The following FAM135B variants were observed in gnomAD, a reference collection of about 807,000 sequenced individuals.
FAM135B encodes the protein protein FAM135B.
Under a neutral mutation model 127.7 loss-of-function variants are expected in FAM135B, and 43 were observed. That is an observed-to-expected ratio of 0.34 (90% confidence interval 0.26 to 0.43). The LOEUF is 0.43. Ranked by LOEUF, FAM135B falls within the 20% of genes least tolerant of loss-of-function variation. The pLI, the probability that FAM135B is intolerant of heterozygous loss-of-function variation, is 1.00. For synonymous variants in FAM135B, 670 were observed against 665.1 expected (o/e 1.01, Z -0.11); for missense variants, 1,558 against 1,725.6 (o/e 0.90, Z 1.72).
intron 11 of FAM135B, among the ~76,000 whole-genome samples, chr8:138,176,637 G>A (rs763043685): frequency 2.1e-4 from 32 of 152,146 alleles, no homozygotes; most frequent in Non-Finnish European, 3.5e-4. Flanking sequence ...AAGTCTCCAC[G>A]TCCATCTTGA....
chr8:138,252,354 G>C (rs1821758961), intron 5 of FAM135B, among the ~76,000 whole-genome samples: 1 of 152,144 alleles, frequency 6.6e-6, no homozygotes, highest in South Asian at 2.1e-4. Flanking sequence ...CTTGGACCAG[G>C]TCTTCCTGAT....
At chr8:138,316,310 T>TCCTGGCTAAAGC (rs1382600064) in intron 2 of FAM135B, among the ~76,000 whole-genome samples, 4 of 151,752 alleles carry the variant, frequency 2.6e-5, no homozygotes, top group Non-Finnish European at 5.9e-5. Context: ...ATCGAGACCA[T>TCCTGGCTAAAGC]GGTGAAACCC....
chr8:138,497,271 C>A (rs1815435501), upstream of FAM135B, among the ~76,000 whole-genome samples: 1 of 150,330 alleles, frequency 6.7e-6, no homozygotes, highest in Admixed American at 6.6e-5. Context: ...TGGCTGGCGG[C>A]GCGGCTCACG....
rs1816206231 is a variant in FAM135B, at chr8:138,131,375, T to C, written c.*1218A>G. 6.6e-6 allele frequency: 1 copy of C among 152,472 alleles called. No individual in the cohort carries two copies. Among genetic ancestry groups the C allele is most frequent in the Non-Finnish European group, 1.5e-5 (1 of 68,048 alleles). 9.4% of individuals were successfully genotyped at this position (152,472 alleles called of 1,614,324 possible). A position where few individuals can be genotyped will look rare whatever the true frequency, so the allele number is the denominator to read the frequency against. On this transcript the variant is annotated 3_prime_UTR_variant, in exon 20 of 20. Coordinates refer to ENST00000395297, the MANE Select transcript of FAM135B (RefSeq NM_015912.4). ...ATACTCAGTCTTTGAGACCTGACTATTAAACATCCTGGTAATTTTCAAAAC... is the reference window on the plus strand; with the variant it reads ...ATACTCAGTCTTTGAGACCTGACTACTAAACATCCTGGTAATTTTCAAAAC...
intron 7 of FAM135B, among the ~76,000 whole-genome samples, chr8:138,228,233 T>A (rs567665411): frequency 1.1e-4 from 17 of 151,108 alleles, no homozygotes; most frequent in Admixed American, 8.0e-4. Flanking sequence ...GAGGTAGACA[T>A]CAGAATCATG....
chr8:138,428,403 T>C (rs1461409103), intron 1 of FAM135B, among the ~76,000 whole-genome samples: 4 of 152,122 alleles, frequency 2.6e-5, no homozygotes, highest in Non-Finnish European at 5.9e-5. Context: ...GACATCAAGC[T>C]GTCTCTGCTT....
chr8:138,330,368 A>C (rs1828083520), intron 2 of FAM135B, among the ~76,000 whole-genome samples: 1 of 152,138 alleles, frequency 6.6e-6, no homozygotes, highest in African/African-American at 2.4e-5. Flanking sequence ...TTCTGCAAGA[A>C]CAGAGCCTAG....
At chr8:138,268,042 C>T (rs73439025) in intron 3 of FAM135B, among the ~76,000 whole-genome samples, 1,948 of 152,222 alleles carry the variant, frequency 0.013, 41 homozygotes, top group East Asian at 0.09. Context: ...AGCCCTGAGC[C>T]GTCTGCCACC....
intron 1 of FAM135B, among the ~76,000 whole-genome samples, chr8:138,473,345 T>C (rs1814176272): frequency 6.6e-6 from 1 of 152,136 alleles, no homozygotes; most frequent in African/African-American, 2.4e-5. Context: ...CAAGAGTCCG[T>C]GGTGCCTACA....
At chr8:138,256,784 G>T in intron 4 of FAM135B, 25 bp from the exon 5 acceptor site, 4 of 1,589,152 alleles carry the variant, frequency 2.5e-6, no homozygotes, top group Non-Finnish European at 3.5e-6. Context: ...AAGTCCAAGG[G>T]ATTTCAGGAG....
chr8:138,460,568 T>C (rs1252718009), intron 1 of FAM135B, among the ~76,000 whole-genome samples: 1 of 152,218 alleles, frequency 6.6e-6, no homozygotes, highest in Non-Finnish European at 1.5e-5. Context: ...AGTATACATT[T>C]GTGCCTGCTT....
At chr8:138,353,547 T>C (rs1275274759) in intron 2 of FAM135B, among the ~76,000 whole-genome samples, 1 of 152,212 alleles carries the variant, frequency 6.6e-6, no homozygotes, top group Non-Finnish European at 1.5e-5. Context: ...TTCAAATATA[T>C]ATAAATTGTG....
At chr8:138,357,273 T>C (rs1409680733) in intron 2 of FAM135B, among the ~76,000 whole-genome samples, 4 of 152,072 alleles carry the variant, frequency 2.6e-5, no homozygotes, top group African/African-American at 7.2e-5. Context: ...ACTAAAACTA[T>C]AAAACAAGTG....
chr8:138,146,097 T>C (rs1438567622), intron 14 of FAM135B, 47 bp from the exon 15 acceptor site: 2 of 959,234 alleles, frequency 2.1e-6, no homozygotes, highest in South Asian at 2.9e-5. Flanking sequence ...GTTAGTCATA[T>C]AAAAGGTTGA....
chr8:138,358,396 C>G (rs117735427), intron 2 of FAM135B: 1 of 152,278 alleles, frequency 6.6e-6, no homozygotes, highest in Non-Finnish European at 1.5e-5. Flanking sequence ...ACAGTCTGTT[C>G]TAGCCCTGGC....
chr8:138,337,416 G>T (rs1291903489), intron 2 of FAM135B, among the ~76,000 whole-genome samples: 3 of 151,976 alleles, frequency 2.0e-5, no homozygotes, highest in Non-Finnish European at 4.4e-5. Flanking sequence ...AAAGTCTCAG[G>T]ATACAAAATC....
intron 7 of FAM135B, among the ~76,000 whole-genome samples, chr8:138,198,433 G>T (rs7845372): frequency 0.12 from 18,404 of 152,232 alleles, 1,134 homozygotes; most frequent in Middle Eastern, 0.14. Context: ...TAGAGGCCAT[G>T]GGACAGGTGG....
At chr8:138,208,826 A>G (rs1245360712) in intron 7 of FAM135B, among the ~76,000 whole-genome samples, 1 of 152,236 alleles carries the variant, frequency 6.6e-6, no homozygotes, top group Non-Finnish European at 1.5e-5. Flanking sequence ...GTAAACTAGT[A>G]AATTAGTCAA....
At chr8:138,277,236 C>T (rs1308658689) in intron 3 of FAM135B, among the ~76,000 whole-genome samples, 1 of 152,178 alleles carries the variant, frequency 6.6e-6, no homozygotes, top group Non-Finnish European at 1.5e-5. Flanking sequence ...TTCCCTTATT[C>T]AGCTCCTCTC....
Sources: gnomAD v4.1 joint callset for allele counts (sites outside exome capture counted in the v4.1 genomes callset) on GRCh38, gnomAD v4.1.1 for gene constraint, MANE v1.5 for transcripts, NCBI Gene and HGNC (gene_info 2026-07-23, HGNC 2026-07-21) for gene names.